TNR: variants seen among roughly 807,000 people sequenced by gnomAD.
TNR encodes tenascin-R.
TNR carries 45 observed loss-of-function variants against 150.4 expected under a neutral mutation model. The ratio of observed to expected loss-of-function variants is 0.30; its 90% CI spans 0.24 to 0.38. The LOEUF (loss-of-function observed/expected upper bound fraction) is 0.38, where lower values mean the gene tolerates loss of function less well. TNR is among the 10% of genes least tolerant of loss of function. The pLI is 1.00. For synonymous variants in TNR, 687 were observed against 678.4 expected (o/e 1.01, Z -0.20); for missense variants, 1,544 against 1,759.1 (o/e 0.88, Z 2.19).
At chr1:175,562,467 A>C (rs1661468811) in intron 1 of TNR, among the ~76,000 whole-genome samples, 1 of 152,252 alleles carries the variant, frequency 6.6e-6, no homozygotes, top group African/African-American at 2.4e-5. Flanking sequence ...AACAGAAGGC[A>C]ACTGGAATTC....
chr1:175,613,002 G>T lies in TNR; in HGVS notation c.-164-84633C>A, dbSNP rs1571675874. Among the ~76,000 whole-genome samples, 3 of 152,306 alleles carry T rather than the reference G, an allele frequency of 2.0e-5. No homozygotes were observed. The East Asian group carries it at 5.8e-4, about 29-fold the overall frequency. On this transcript the variant is annotated intron_variant, in intron 1 of 22. Coordinates refer to ENST00000367674, the MANE Select transcript of TNR (RefSeq NM_003285.3). ...CAACACAGCACCTGGTACCTTGAAA[G>T]ACCTTAAAAAATGTTTGATAAATGA... is the stretch of plus-strand genomic sequence containing the variant.
chr1:175,614,992 C>T (rs1663724518), intron 1 of TNR, among the ~76,000 whole-genome samples: 1 of 152,210 alleles, frequency 6.6e-6, no homozygotes, highest in African/African-American at 2.4e-5. Context: ...TGCTATGCAG[C>T]CATCTGGACT....
At chr1:175,438,852 C>T (rs955226902) in intron 2 of TNR, among the ~76,000 whole-genome samples, 16 of 152,072 alleles carry the variant, frequency 1.1e-4, no homozygotes, top group Non-Finnish European at 2.1e-4. Context: ...GAACTACAAA[C>T]CACTGCTCAA....
intron 1 of TNR, among the ~76,000 whole-genome samples, chr1:175,674,996 G>A (rs1665816311): frequency 6.6e-6 from 1 of 152,214 alleles, no homozygotes. Flanking sequence ...GGGGGAGCAG[G>A]ATTTGGGGAG....
intron 2 of TNR, among the ~76,000 whole-genome samples, chr1:175,480,358 GAA>G (rs1164406239): frequency 7.4e-6 from 1 of 135,044 alleles, no homozygotes; most frequent in Non-Finnish European, 1.6e-5. Flanking sequence ...GAGAGAGAAA[GAA>G]AGAGGGAGAG....
chr1:175,379,441 TG>T, intron 9 of TNR, 110 bp downstream of exon 9: 1 of 902,354 alleles, frequency 1.1e-6, no homozygotes, highest in Non-Finnish European at 1.7e-6. Context: ...ACTTAAGAGA[TG>T]AGATCAATAG....
chr1:175,669,479 G>A (rs773327776), intron 1 of TNR, among the ~76,000 whole-genome samples: 28 of 152,142 alleles, frequency 1.8e-4, no homozygotes, highest in Non-Finnish European at 3.1e-4. Context: ...TCCACAGAGC[G>A]CCATTGCACC....
chr1:175,456,141 A>G (rs1656562467), intron 2 of TNR, among the ~76,000 whole-genome samples: 1 of 152,124 alleles, frequency 6.6e-6, no homozygotes, highest in Non-Finnish European at 1.5e-5. Flanking sequence ...TGACTCCTGA[A>G]TACGCCAGGC....
chr1:175,323,810 G>A (rs1649200288), intron 22 of TNR, among the ~76,000 whole-genome samples: 1 of 152,184 alleles, frequency 6.6e-6, no homozygotes, highest in African/African-American at 2.4e-5. Context: ...GAGAATAACT[G>A]TGTTTGACTG....
chr1:175,488,341 G>T (rs770513009), intron 2 of TNR, among the ~76,000 whole-genome samples: 1 of 152,214 alleles, frequency 6.6e-6, no homozygotes, highest in Non-Finnish European at 1.5e-5. Flanking sequence ...GCAAAGTTAG[G>T]TGGGAAGGGA....
At chr1:175,530,084 T>C (rs16848577) in intron 1 of TNR, among the ~76,000 whole-genome samples, 1,973 of 152,318 alleles carry the variant, frequency 0.013, 58 homozygotes, top group African/African-American at 0.045. Flanking sequence ...AATATAAAAA[T>C]GTATGCAGAA....
chr1:175,564,361 G>C (rs1240075255), intron 1 of TNR, among the ~76,000 whole-genome samples: 2 of 152,200 alleles, frequency 1.3e-5, no homozygotes, highest in East Asian at 1.9e-4. Context: ...CAGTTGTTAT[G>C]CTTTCCTGGG....
chr1:175,396,356 C>T (rs2102039198), intron 5 of TNR, among the ~76,000 whole-genome samples, 188 bp downstream of exon 5: 1 of 152,332 alleles, frequency 6.6e-6, no homozygotes, highest in Middle Eastern at 3.4e-3. Context: ...TGGAAACTCT[C>T]TTAATCGAAA....
At position 175,403,491 on chromosome 1, in the gene TNR, A is replaced by T; in HGVS notation, c.625T>A (p.Ser209Thr). ...CSEPYCPLGCSSRGVCVDGQC... is the reference protein window; with the variant it reads ...CSEPYCPLGCTSRGVCVDGQC... ...CCATCCACACACACCCCCCGGCTGG[A>T]GCAACCCAGCGGGCAGTAGGGCTCC... Residue 209 changes from serine (S) to threonine (T), a missense_variant, in exon 4 of 23, where the codon TCC (serine) becomes ACC (threonine). This residue lies in a region of TNR where 1,254 missense variants were observed against 1,329.4 expected (regional missense o/e 0.94). Transcript: ENST00000367674. 1.2e-6 allele frequency: 2 copies of T among 1,614,194 alleles called. No homozygotes were observed. The highest frequency in any genetic ancestry group is 1.7e-6 in the Non-Finnish European group (2 of 1,180,024).
At chr1:175,698,626 A>T (rs1224271055) in intron 1 of TNR, among the ~76,000 whole-genome samples, 1 of 152,100 alleles carries the variant, frequency 6.6e-6, no homozygotes, top group African/African-American at 2.4e-5. Flanking sequence ...GGATGGCCTG[A>T]GGTCAGGAGT....
chr1:175,413,793 G>A (rs1654316120), intron 2 of TNR, among the ~76,000 whole-genome samples: 1 of 152,170 alleles, frequency 6.6e-6, no homozygotes, highest in South Asian at 2.1e-4. Flanking sequence ...AGGTGATTAA[G>A]TCATGATGGC....
intron 1 of TNR, among the ~76,000 whole-genome samples, chr1:175,686,987 T>C (rs1666218301): frequency 6.6e-6 from 1 of 152,208 alleles, no homozygotes; most frequent in Admixed American, 6.5e-5. Flanking sequence ...ATGATTTCTT[T>C]TCCTCTGGGT....
intron 2 of TNR, among the ~76,000 whole-genome samples, chr1:175,435,108 T>C (rs916865933): frequency 6.6e-6 from 1 of 152,206 alleles, no homozygotes; most frequent in Non-Finnish European, 1.5e-5. Context: ...AGGAGTGACA[T>C]GATCTGAAGT....
At chr1:175,654,640 T>A (rs1476488985) in intron 1 of TNR, among the ~76,000 whole-genome samples, 1 of 150,874 alleles carries the variant, frequency 6.6e-6, no homozygotes, top group Non-Finnish European at 1.5e-5. Context: ...TCCTTCCTCC[T>A]ACACAGCTGC....
Sources: gnomAD v4.1 joint callset for allele counts (sites outside exome capture counted in the v4.1 genomes callset) on GRCh38, gnomAD v4.1.1 for gene constraint, gnomAD v4.1.1 regional missense constraint, MANE v1.5 for transcripts, NCBI Gene and HGNC (gene_info 2026-07-23, HGNC 2026-07-21) for gene names.